Variants in ARHGAP17 observed in about 807,000 individuals in gnomAD.
The protein encoded by ARHGAP17 is rho GTPase-activating protein 17.
In ARHGAP17, 57 loss-of-function variants were observed where a neutral mutation model predicts 99.5. That is an observed-to-expected ratio of 0.57 (90% CI 0.46 to 0.71). The LOEUF is 0.71. Among genes scored for constraint, ARHGAP17 ranks in the 30% least tolerant of loss-of-function variants. The pLI, the probability that ARHGAP17 is intolerant of heterozygous loss-of-function variation, is 0.00. For synonymous variants in ARHGAP17, 417 were observed against 429.6 expected (o/e 0.97, Z 0.36); for missense variants, 1,000 against 1,122.4 (o/e 0.89, Z 1.56).
intron 18 of ARHGAP17, among the ~76,000 whole-genome samples, chr16:24,934,449 C>A (rs142280383): frequency 0.012 from 1,814 of 152,038 alleles, 30 homozygotes; most frequent in East Asian, 0.089. Context: ...AGCCACTGCG[C>A]CTGGCCTCTC....
chr16:24,943,711 A>C (rs2051382170), intron 15 of ARHGAP17, 60 bp downstream of exon 15: 2 of 1,452,522 alleles, frequency 1.4e-6, no homozygotes, highest in Admixed American at 1.7e-5. Flanking sequence ...TCTCTTAAGA[A>C]GACTTTTTGT....
chr16:24,947,752 T>C (rs945690784), intron 13 of ARHGAP17, among the ~76,000 whole-genome samples, 157 bp from the exon 14 acceptor site: 2 of 152,226 alleles, frequency 1.3e-5, no homozygotes, highest in South Asian at 4.1e-4. Flanking sequence ...ATACATTTCT[T>C]GTGTTCTTTG....
At chr16:24,927,371 A>C (rs1197861482) in intron 19 of ARHGAP17, among the ~76,000 whole-genome samples, 1 of 152,208 alleles carries the variant, frequency 6.6e-6, no homozygotes, top group Non-Finnish European at 1.5e-5. Context: ...TGAAATTCTA[A>C]CTCAGTCAGG....
chr16:24,953,816 C>A (rs957976562), intron 10 of ARHGAP17, among the ~76,000 whole-genome samples: 9 of 152,166 alleles, frequency 5.9e-5, no homozygotes, highest in Non-Finnish European at 1.2e-4. Context: ...CAGACCTTGA[C>A]AAATGTCTCC....
Position 24,947,554 on chromosome 16 carries a change from T to C in ARHGAP17, c.1169A>G (p.Asp390Gly). The C allele has an allele frequency of 6.2e-7, 1 of 1,613,394 alleles. No individual in the cohort carries two copies. The change falls in exon 14 of 20, where the codon GAT becomes GGT. Residue 390 changes from aspartate to glycine, a missense_variant. Asp to Gly is a moderately conservative substitution (Grantham distance 94, BLOSUM62 -1). This residue lies in a region of ARHGAP17 where 472 missense variants were observed against 611.1 expected (regional missense o/e 0.77). Transcript: ENST00000289968. ...KFLAKLAQTS[D>G]VNKMTPSNIA... is the part of the protein sequence containing the mutation. Reference sequence around the variant, plus strand: ...GTTGCTGGGAGTCATTTTATTCACATCGCTGGTCTGAGCAAGCTTTGCAAG... The same window carrying C: ...GTTGCTGGGAGTCATTTTATTCACACCGCTGGTCTGAGCAAGCTTTGCAAG...
At position 24,978,982 on chromosome 16, in the gene ARHGAP17, C is replaced by A; in HGVS notation, c.77G>T (p.Ser26Ile). 6.3e-7 allele frequency: 1 copy of A among 1,591,626 alleles called. No homozygotes were observed. Among genetic ancestry groups the A allele is most frequent in the Non-Finnish European group, 8.5e-7 (1 of 1,171,984 alleles). Residue 26 changes from serine to isoleucine, a missense_variant, in exon 2 of 20, where the codon AGT (serine) becomes ATT (isoleucine). Transcript: ENST00000289968. ...VGRAEKTEVL[S>I]EDLLQIERRL... is the part of the protein sequence containing the mutation. ...TTTTGTTACCTGTAATAGATCTTCA[C>A]TAAGGACTTCTGTTTTCTCAGCTCT... is the stretch of plus-strand genomic sequence containing the variant.
intron 19 of ARHGAP17, chr16:24,920,473 C>T (rs1210916109): frequency 2.8e-5 from 15 of 527,620 alleles, no homozygotes; most frequent in Non-Finnish European, 4.7e-5. Context: ...CCTCTGGGCT[C>T]CGACGTTGCT....
At chr16:24,981,232 T>TA (rs1401659090) in intron 1 of ARHGAP17, among the ~76,000 whole-genome samples, 1 of 152,130 alleles carries the variant, frequency 6.6e-6, no homozygotes, top group Non-Finnish European at 1.5e-5. Context: ...TGGCAGTTGT[T>TA]AAACAGTTAT....
intron 1 of ARHGAP17, 60 bp downstream of exon 1, chr16:25,015,147 CCG>C: frequency 6.6e-6 from 8 of 1,218,268 alleles, no homozygotes; most frequent in Non-Finnish European, 7.2e-6. Context: ...CGTCCCGCCC[CCG>C]CGCCCTCCGC....
Position 24,960,965 on chromosome 16 carries a change from G to A in ARHGAP17, c.574-986C>T, listed in dbSNP as rs552350669. 1.2e-4 allele frequency among the ~76,000 whole-genome samples: 18 copies of A among 152,158 alleles called. No individual in the cohort carries two copies. In the East Asian group the frequency reaches 2.7e-3, roughly 23 times the overall value. On this transcript the variant is annotated intron_variant, in intron 7 of 19. Transcript: ENST00000289968. ...TGGCTCACTGAAACCTCCACCTCCC[G>A]GGTTCAAGGAATTCTCCTGTCTCAG...
At chr16:25,004,840 C>G (rs1324027703) in intron 1 of ARHGAP17, among the ~76,000 whole-genome samples, 1 of 152,142 alleles carries the variant, frequency 6.6e-6, no homozygotes, top group Admixed American at 6.6e-5. Flanking sequence ...AAGGAAGTAG[C>G]CAATGCAAAT....
chr16:25,007,255 G>A (rs183555886), intron 1 of ARHGAP17, among the ~76,000 whole-genome samples: 1 of 152,266 alleles, frequency 6.6e-6, no homozygotes, highest in East Asian at 1.9e-4. Flanking sequence ...TTTTTATTAT[G>A]AAATATTTTA....
At position 24,959,653 on chromosome 16, in the gene ARHGAP17, G is replaced by A. The variant is rs376025214; in HGVS notation, c.724+18C>T. On this transcript the variant is annotated intron_variant, in intron 9 of 19. Transcript: ENST00000289968. ...CAGAGGCAAGAAGGAAGCATCAGCCGCACGCGGGTTACATTACCTTGATGG... is the reference window on the plus strand; with the variant it reads ...CAGAGGCAAGAAGGAAGCATCAGCCACACGCGGGTTACATTACCTTGATGG... The A allele has an allele frequency of 5.6e-5, 91 of 1,611,584 alleles. No homozygotes were observed. In the South Asian group the frequency reaches 6.6e-4, roughly 12 times the overall value.
chr16:24,961,930 T>C (rs1402765799), intron 7 of ARHGAP17, among the ~76,000 whole-genome samples: 15 of 144,074 alleles, frequency 1.0e-4, no homozygotes, highest in Non-Finnish European at 2.2e-4. Context: ...TATATATATA[T>C]GAAAACTTAT....
chr16:24,997,188 A>G (rs553652283), intron 1 of ARHGAP17, among the ~76,000 whole-genome samples: 7 of 138,792 alleles, frequency 5.0e-5, no homozygotes, highest in East Asian at 4.3e-4. Flanking sequence ...TCATTAGCAC[A>G]TGGACTGGTG....
chr16:24,996,855 G>A (rs1027753938), intron 1 of ARHGAP17, among the ~76,000 whole-genome samples: 1 of 151,952 alleles, frequency 6.6e-6, no homozygotes, highest in East Asian at 1.9e-4. Context: ...GAAGGCCGAG[G>A]CAGGAGGATT....
chr16:24,979,103 G>A, intron 1 of ARHGAP17, 98 bp from the exon 2 acceptor site: 1 of 871,556 alleles, frequency 1.1e-6, no homozygotes, highest in East Asian at 2.8e-5. Context: ...AGCAAAACAG[G>A]CAGAAATAAA....
chr16:24,956,622 G>A (rs1390803708), intron 9 of ARHGAP17: 1 of 152,192 alleles, frequency 6.6e-6, no homozygotes, highest in Non-Finnish European at 1.5e-5. Context: ...AATCCTGCTG[G>A]GAGTGCACGA....
intron 16 of ARHGAP17, 72 bp from the exon 17 acceptor site, chr16:24,939,669 T>A (rs1407815455): frequency 1.3e-6 from 2 of 1,484,218 alleles, no homozygotes; most frequent in African/African-American, 2.8e-5. Flanking sequence ...TCGGTCCACA[T>A]GTGTTAAAAC....
Sources: allele counts gnomAD v4.1 joint callset (sites outside exome capture counted in the v4.1 genomes callset), GRCh38; gene constraint gnomAD v4.1.1; regional missense constraint gnomAD v4.1.1; transcripts MANE v1.5; gene names NCBI Gene and HGNC (gene_info 2026-07-23, HGNC 2026-07-21).